The following PAPPA2 variants were observed in gnomAD, a reference collection of about 807,000 sequenced individuals.
The protein encoded by PAPPA2 is pappalysin 2, also known as pappalysin-2.
In PAPPA2, 86 loss-of-function variants were observed where a neutral mutation model predicts 176.4. The ratio of observed to expected loss-of-function variants is 0.49; its 90% CI spans 0.41 to 0.58. The LOEUF (loss-of-function observed/expected upper bound fraction) is 0.58. Among genes scored for constraint, PAPPA2 ranks in the 20% least tolerant of loss-of-function variants. PAPPA2 has a pLI of 0.00. For missense variants in PAPPA2, 2,073 were observed against 2,256.9 expected, an observed-to-expected ratio of 0.92 and a Z score of 1.65; for synonymous variants, 809 against 852.2, an observed-to-expected ratio of 0.95 and a Z score of 0.88.
At chr1:176,756,899 T>C (rs1361997539) in intron 14 of PAPPA2, among the ~76,000 whole-genome samples, 1 of 152,144 alleles carries the variant, frequency 6.6e-6, no homozygotes, top group Non-Finnish European at 1.5e-5. Flanking sequence ...GATGTTCCCC[T>C]CTCTGTGTCC....
intron 1 of PAPPA2, among the ~76,000 whole-genome samples, chr1:176,510,253 A>G (rs772415907): frequency 4.6e-5 from 7 of 152,196 alleles, no homozygotes; most frequent in Non-Finnish European, 8.8e-5. Context: ...GGGGTGGGGA[A>G]CATGTTATGA....
intron 21 of PAPPA2, among the ~76,000 whole-genome samples, chr1:176,821,062 A>T (rs1039325531): frequency 6.6e-5 from 10 of 152,166 alleles, no homozygotes; most frequent in Admixed American, 5.2e-4. Context: ...CAGGAATGTC[A>T]TAGCCTTCTT....
At chr1:176,703,772 C>G (rs758198999) in intron 9 of PAPPA2, among the ~76,000 whole-genome samples, 3 of 152,136 alleles carry the variant, frequency 2.0e-5, no homozygotes, top group Non-Finnish European at 4.4e-5. Flanking sequence ...TCCCAGCCCT[C>G]GATAATATGT....
At chr1:176,726,164 C>G (rs751887927) in intron 12 of PAPPA2, among the ~76,000 whole-genome samples, 41 of 152,276 alleles carry the variant, frequency 2.7e-4, no homozygotes, top group Non-Finnish European at 4.4e-4. Context: ...TTATGTCTCC[C>G]CAAGAAATAC....
intron 1 of PAPPA2, among the ~76,000 whole-genome samples, chr1:176,473,779 A>T (rs1049038740): frequency 1.3e-5 from 2 of 152,198 alleles, no homozygotes; most frequent in Non-Finnish European, 2.9e-5. Context: ...TTCCTGAATG[A>T]TATATGATGT....
chr1:176,739,674 A>T lies in PAPPA2; in HGVS notation c.3847A>T (p.Thr1283Ser). Reference protein sequence around the residue: ...GEARAIFIFLTTDGLVPGEHQ... With the variant: ...GEARAIFIFLSTDGLVPGEHQ... ...GGCCAGAGCAATTTTTATTTTTTTG[A>T]CAACTGATGGCCTAGTTCCCGGAGA... Residue 1283 changes from threonine (T) to serine (S), a missense_variant, in exon 13 of 23, where the codon ACA becomes TCA. This residue lies in a region of PAPPA2 where 846 missense variants were observed against 857.9 expected (regional missense o/e 0.99). Coordinates refer to ENST00000367662, the MANE Select transcript of PAPPA2 (RefSeq NM_020318.3). 1 of 1,613,692 alleles carries T rather than the reference A, an allele frequency of 6.2e-7. No homozygotes were observed. Among genetic ancestry groups the T allele is most frequent in the Non-Finnish European group, 8.5e-7 (1 of 1,179,748 alleles).
At chr1:176,836,250 A>G (rs1345629209) in intron 21 of PAPPA2, among the ~76,000 whole-genome samples, 1 of 152,116 alleles carries the variant, frequency 6.6e-6, no homozygotes, top group Admixed American at 6.5e-5. Context: ...AGTTTTTTTT[A>G]TGAAAACGAT....
At chr1:176,596,359 G>A (rs1315937765) in intron 3 of PAPPA2, among the ~76,000 whole-genome samples, 1 of 152,090 alleles carries the variant, frequency 6.6e-6, no homozygotes, top group Admixed American at 6.5e-5. Context: ...ACTTGATTCT[G>A]TTCCATTGAA....
chr1:176,811,862 G>C (rs958939225), intron 21 of PAPPA2, among the ~76,000 whole-genome samples: 2 of 152,100 alleles, frequency 1.3e-5, no homozygotes, highest in Non-Finnish European at 2.9e-5. Flanking sequence ...TTAGGACTAG[G>C]TTTTCATTTT....
chr1:176,677,606 T>G (rs1293604250), intron 4 of PAPPA2, among the ~76,000 whole-genome samples: 1 of 152,172 alleles, frequency 6.6e-6, no homozygotes, highest in African/African-American at 2.4e-5. Context: ...GCAGAACACT[T>G]AAGTTAGTCG....
At chr1:176,521,617 A>C (rs554770209) in intron 1 of PAPPA2, among the ~76,000 whole-genome samples, 1 of 152,304 alleles carries the variant, frequency 6.6e-6, no homozygotes, top group South Asian at 2.1e-4. Context: ...AAACCTCTGG[A>C]ATTCCCATAT....
chr1:176,476,283 G>A lies in PAPPA2; in HGVS notation c.-917+12865G>A, dbSNP rs149806966. On this transcript the variant is annotated intron_variant, in intron 1 of 22. Transcript: ENST00000367662. The stretch of plus-strand genomic sequence containing the variant: ...CGTCTGGGTTTCTTGTCTGGAATGC[G>A]TGTTCCAGGAGAACAGAGACCTTGC... 1.3e-3 allele frequency among the ~76,000 whole-genome samples: 198 copies of A among 152,272 alleles called. 2 individuals are homozygous for A. The highest frequency in any genetic ancestry group is 2.3e-3 in the Non-Finnish European group (159 of 68,036).
chr1:176,623,685 C>CTTTTTCTTTCTTTCTT (rs1558479404), intron 3 of PAPPA2, among the ~76,000 whole-genome samples: 1 of 122,116 alleles, frequency 8.2e-6, no homozygotes, highest in African/African-American at 3.3e-5. Context: ...TTCTTTCTTT[C>CTTTTTCTTTCTTTCTT]TCTCTCTCTT....
At chr1:176,798,085 A>G (rs536650273) in intron 20 of PAPPA2, among the ~76,000 whole-genome samples, 2 of 152,310 alleles carry the variant, frequency 1.3e-5, no homozygotes, top group South Asian at 2.1e-4. Context: ...CAATTTCTGT[A>G]GCAGTTAAGG....
chr1:176,589,647 T>C (rs181301065), intron 2 of PAPPA2, among the ~76,000 whole-genome samples: 48 of 152,366 alleles, frequency 3.2e-4, no homozygotes, highest in African/African-American at 1.2e-3. Context: ...CAGTTTAGTG[T>C]TGAATAATTT....
At chr1:176,700,593 G>T (rs778172739) in intron 8 of PAPPA2, among the ~76,000 whole-genome samples, 2 of 152,206 alleles carry the variant, frequency 1.3e-5, no homozygotes, top group African/African-American at 2.4e-5. Flanking sequence ...GGCCTGGCCT[G>T]GGCTTTTCAT....
chr1:176,794,018 C>T (rs1665306396), intron 20 of PAPPA2, among the ~76,000 whole-genome samples: 1 of 152,076 alleles, frequency 6.6e-6, no homozygotes, highest in African/African-American at 2.4e-5. Flanking sequence ...GGCGTGAACT[C>T]CAGCCTGGGC....
chr1:176,481,939 T>C (rs1652422731), intron 1 of PAPPA2, among the ~76,000 whole-genome samples: 4 of 152,258 alleles, frequency 2.6e-5, no homozygotes, highest in Middle Eastern at 6.8e-3. Context: ...CTCCAACTCC[T>C]GACCTCAAGT....
At chr1:176,650,457 G>A (rs942078171) in intron 3 of PAPPA2, among the ~76,000 whole-genome samples, 1 of 150,900 alleles carries the variant, frequency 6.6e-6, no homozygotes, top group Non-Finnish European at 1.5e-5. Flanking sequence ...TGTGCACAAT[G>A]TGCAGGTTTG....
Sources: gnomAD v4.1 joint callset for allele counts (sites outside exome capture counted in the v4.1 genomes callset) on GRCh38, gnomAD v4.1.1 for gene constraint, gnomAD v4.1.1 regional missense constraint, MANE v1.5 for transcripts, NCBI Gene and HGNC (gene_info 2026-07-23, HGNC 2026-07-21) for gene names.